The following ALK variants were observed in gnomAD, a reference collection of about 807,000 sequenced individuals.
ALK encodes the protein ALK tyrosine kinase receptor.
A neutral mutation model predicts 163.1 loss-of-function variants in ALK; 74 were observed. The observed-to-expected ratio is 0.45, with a 90% CI of 0.38 to 0.55. The LOEUF is 0.55. Ranked by LOEUF, ALK falls within the 20% of genes least tolerant of loss-of-function variation. The pLI is 0.00. For synonymous variants in ALK, 960 were observed against 843.2 expected, an observed-to-expected ratio of 1.14 and a Z score of -2.40; for missense variants, 2,063 against 2,105.3, an observed-to-expected ratio of 0.98 and a Z score of 0.39.
chr2:29,650,657 T>A (rs1262125635), intron 3 of ALK, among the ~76,000 whole-genome samples: 1 of 152,138 alleles, frequency 6.6e-6, no homozygotes, highest in Admixed American at 6.5e-5. Context: ...TATCTGGATA[T>A]GTCTGACTCA....
At chr2:29,815,234 G>C (rs34096636) in intron 1 of ALK, among the ~76,000 whole-genome samples, 19,979 of 151,510 alleles carry the variant, frequency 0.13, 1,579 homozygotes, top group South Asian at 0.19. Context: ...TGTCAAATAG[G>C]ATAACAGTAA....
chr2:29,412,171 G>C (rs1669740692), intron 4 of ALK, among the ~76,000 whole-genome samples: 1 of 152,126 alleles, frequency 6.6e-6, no homozygotes, highest in Non-Finnish European at 1.5e-5. Flanking sequence ...CTTTGATCTT[G>C]GGATGAAAAT....
chr2:29,577,373 C>T (rs183782167), intron 3 of ALK, among the ~76,000 whole-genome samples: 32 of 152,322 alleles, frequency 2.1e-4, no homozygotes, highest in African/African-American at 7.5e-4. Flanking sequence ...ATGCTCTGCT[C>T]AGTCACTTCC....
intron 1 of ALK, among the ~76,000 whole-genome samples, chr2:29,766,172 T>C (rs1680857177): frequency 6.6e-6 from 1 of 152,252 alleles, no homozygotes; most frequent in Non-Finnish European, 1.5e-5. Context: ...ACAATGCTAT[T>C]ATGAACATAA....
rs1247675743 is a variant in ALK at position 29,291,204 on chromosome 2, T to A, written c.1817+5684A>T. Among the ~76,000 whole-genome samples, 4 of 151,782 alleles carry A rather than the reference T, an allele frequency of 2.6e-5. No individual in the cohort carries two copies. In the East Asian group the frequency reaches 7.7e-4, roughly 29 times the overall value. Reference sequence around the variant, plus strand: ...ATAGCAAGACCCTGTCTGTACAATTTTTTTTTTTAATTAGCTGGGCATGGT... The same window carrying A: ...ATAGCAAGACCCTGTCTGTACAATTATTTTTTTTAATTAGCTGGGCATGGT... On this transcript the variant is annotated intron_variant, in intron 9 of 28. Transcript: ENST00000389048.
intron 1 of ALK, among the ~76,000 whole-genome samples, chr2:29,850,162 T>C (rs1665953627): frequency 6.6e-6 from 1 of 152,132 alleles, no homozygotes; most frequent in Admixed American, 6.5e-5. Flanking sequence ...GATGAATCAA[T>C]CTACAACTAC....
chr2:29,407,976 C>T (rs1381871028), intron 4 of ALK, among the ~76,000 whole-genome samples: 1 of 152,096 alleles, frequency 6.6e-6, no homozygotes. Context: ...GACTGTATAA[C>T]TAGAGGCAGA....
chr2:29,227,726 A>C lies in ALK; in HGVS notation c.2816-54T>G. 2 of 1,388,310 alleles carry C rather than the reference A, an allele frequency of 1.4e-6. No individual in the cohort carries two copies. Among genetic ancestry groups the C allele is most frequent in the South Asian group, 1.2e-5 (1 of 86,304 alleles). The allele number at this position is 1,388,310 out of a possible 1,614,324, so 86.0% of individuals were successfully genotyped here. ...CATGGGGGGTGGGTGCCAAAATCTTAACACACACACACGTCAGTGGGGCAT... is the reference window on the plus strand; with the variant it reads ...CATGGGGGGTGGGTGCCAAAATCTTCACACACACACACGTCAGTGGGGCAT... On this transcript the variant is annotated intron_variant, in intron 16 of 28. Transcript: ENST00000389048. This position sits in a 1 kb window ranked among gnomAD's most constrained non-coding sequence, Gnocchi z 4.4.
chr2:29,848,844 C>A (rs1665917540), intron 1 of ALK, among the ~76,000 whole-genome samples: 1 of 152,158 alleles, frequency 6.6e-6, no homozygotes, highest in African/African-American at 2.4e-5. Context: ...CAAGTCAGGA[C>A]TGCAGAGATG....
chr2:29,205,467 T>A (rs1266441703), intron 26 of ALK, among the ~76,000 whole-genome samples: 1 of 152,100 alleles, frequency 6.6e-6, no homozygotes, highest in Admixed American at 6.5e-5. Context: ...TAAAACAACA[T>A]AAGTTCATTC....
intron 3 of ALK, among the ~76,000 whole-genome samples, chr2:29,580,002 C>G (rs1047979590): frequency 2.0e-5 from 3 of 152,104 alleles, no homozygotes; most frequent in African/African-American, 7.2e-5. Context: ...CTCCTCAACC[C>G]ACTCACCCCA....
At chr2:29,618,931 A>G (rs1675940121) in intron 3 of ALK, among the ~76,000 whole-genome samples, 1 of 152,010 alleles carries the variant, frequency 6.6e-6, no homozygotes, top group Non-Finnish European at 1.5e-5. Flanking sequence ...GTGAGCTGAG[A>G]TTGCGCCACT....
At chr2:29,605,753 A>T (rs1675525924) in intron 3 of ALK, among the ~76,000 whole-genome samples, 1 of 152,186 alleles carries the variant, frequency 6.6e-6, no homozygotes, top group South Asian at 2.1e-4. Flanking sequence ...TAAGCCACCC[A>T]GTATATGATA....
At chr2:29,598,241 C>G (rs1378977698) in intron 3 of ALK, among the ~76,000 whole-genome samples, 1 of 152,108 alleles carries the variant, frequency 6.6e-6, no homozygotes, top group Non-Finnish European at 1.5e-5. Context: ...GGCCAGGCTG[C>G]TCTCAAACTC....
At chr2:29,231,872 C>A (rs1022165155) in intron 15 of ALK, among the ~76,000 whole-genome samples, 1 of 152,146 alleles carries the variant, frequency 6.6e-6, no homozygotes, top group Non-Finnish European at 1.5e-5. Context: ...GATTTTCCAG[C>A]GGGGATACGC....
At chr2:29,602,697 T>C (rs181969072) in intron 3 of ALK, among the ~76,000 whole-genome samples, 33 of 152,308 alleles carry the variant, frequency 2.2e-4, no homozygotes, top group African/African-American at 7.7e-4. Flanking sequence ...TAAAGAGTCC[T>C]GAACCTCTGC....
At position 29,246,151 on chromosome 2, in the gene ALK, TG is replaced by T. The variant is rs1267220631; in HGVS notation, c.2204+4953del. 1.5e-5 allele frequency among the ~76,000 whole-genome samples: 2 copies of T among 135,962 alleles called. No individual in the cohort carries two copies. The highest frequency in any genetic ancestry group is 1.5e-4 in the Admixed American group (2 of 12,988). 89.2% of individuals were successfully genotyped at this position (135,962 alleles called of 152,430 possible). ...TGTATGGTAGTGGGTGGGGAGGAGA[TG>T]GGGGCAGGACTGCGGGCTGAGAAGG... On this transcript the variant is annotated intron_variant, in intron 12 of 28. Coordinates refer to ENST00000389048, the MANE Select transcript of ALK (RefSeq NM_004304.5). This position sits in a 1 kb window ranked among gnomAD's most constrained non-coding sequence, Gnocchi z 4.3.
chr2:29,448,221 A>G (rs916406338), intron 4 of ALK, among the ~76,000 whole-genome samples: 1 of 152,202 alleles, frequency 6.6e-6, no homozygotes, highest in Non-Finnish European at 1.5e-5. Flanking sequence ...TGTGTGCTGA[A>G]ACTGCTGGAA....
intron 5 of ALK, among the ~76,000 whole-genome samples, chr2:29,361,780 T>G (rs1300449335): frequency 2.0e-5 from 3 of 152,206 alleles, no homozygotes; most frequent in Non-Finnish European, 4.4e-5. Flanking sequence ...CCTTGTATAT[T>G]GTGGCCTATA....
Sources: allele counts gnomAD v4.1 joint callset (sites outside exome capture counted in the v4.1 genomes callset), GRCh38; gene constraint gnomAD v4.1.1; non-coding constraint Gnocchi (gnomAD v3.1); transcripts MANE v1.5; gene names NCBI Gene and HGNC (gene_info 2026-07-23, HGNC 2026-07-21).